PRDM15: variants seen among roughly 807,000 people sequenced by gnomAD.
The protein encoded by PRDM15 is PR domain zinc finger protein 15.
In PRDM15, 64 loss-of-function variants were observed where a neutral mutation model predicts 128.6. That is an observed-to-expected ratio of 0.50 (90% CI 0.41 to 0.61). The LOEUF is 0.61. PRDM15 is among the 20% of genes least tolerant of loss of function. The probability of loss-of-function intolerance (pLI) is 0.00; values close to 1 mark genes in which losing one functional copy is unlikely to be tolerated. For synonymous variants in PRDM15, 615 were observed against 621.8 expected (o/e 0.99, Z 0.16); for missense variants, 1,242 against 1,569.1 (o/e 0.79, Z 3.52).
intron 18 of PRDM15, among the ~76,000 whole-genome samples, chr21:41,817,771 C>A (rs2062102902): frequency 6.6e-6 from 1 of 152,106 alleles, no homozygotes. Context: ...TATGTACTAG[C>A]AACTGTTGCG....
rs959477143 is a variant in PRDM15, at chr21:41,815,766, C to T, written c.2331G>A (p.Lys777=). Residue 777 remains lysine (K), a synonymous_variant, in exon 19 of 24, where the codon AAG becomes AAA. Transcript: ENST00000398548. ...LHKGIKEYEC[K]ECHRRFAQKV... ...TCTGCGCGAACCTGCGGTGGCACTCCTTGCACTCGTACTCCTTGATGCCCT... is the reference window on the plus strand; with the variant it reads ...TCTGCGCGAACCTGCGGTGGCACTCTTTGCACTCGTACTCCTTGATGCCCT... 1 of 1,613,988 alleles carries T rather than the reference C, an allele frequency of 6.2e-7. No homozygotes were observed. Among genetic ancestry groups the T allele is most frequent in the Non-Finnish European group, 8.5e-7 (1 of 1,179,968 alleles).
In PRDM15 at chr21:41,804,642, G is replaced by A. The variant is rs73373472; in HGVS notation, c.2653-28C>T. 7.4e-3 allele frequency: 11,205 copies of A among 1,517,796 alleles called. 688 individuals carry two copies. The African/African-American group carries it at 0.13, about 18-fold the overall frequency. 94.0% of individuals were successfully genotyped at this position (1,517,796 alleles called of 1,614,324 possible). ...ATGAGGAGCACAGGGCATGAGCTGG[G>A]GGTCAGGGTGCTGCTGATGCAGGTG... On this transcript the variant is annotated intron_variant, in intron 21 of 23. Transcript: ENST00000398548.
chr21:41,841,624 G>A (rs1199256571), intron 6 of PRDM15, among the ~76,000 whole-genome samples: 1 of 151,988 alleles, frequency 6.6e-6, no homozygotes, highest in Non-Finnish European at 1.5e-5. Context: ...ATTCAAACAG[G>A]AAAAACAGAG....
intron 14 of PRDM15, 91 bp downstream of exon 14, chr21:41,823,227 C>A (rs570639769): frequency 1.3e-6 from 2 of 1,509,160 alleles, no homozygotes; most frequent in Admixed American, 1.9e-5. Context: ...GCTGCCCTGC[C>A]CACAGAACTC....
At chr21:41,831,205 C>T (rs779462526) in intron 11 of PRDM15, among the ~76,000 whole-genome samples, 4 of 152,270 alleles carry the variant, frequency 2.6e-5, no homozygotes, top group East Asian at 3.8e-4. Context: ...AGCCGCCCTG[C>T]GCCTGTCCCT....
chr21:41,846,682 G>A (rs1444057685), intron 6 of PRDM15, among the ~76,000 whole-genome samples: 1 of 152,218 alleles, frequency 6.6e-6, no homozygotes, highest in Non-Finnish European at 1.5e-5. Flanking sequence ...GGACAACAGA[G>A]CCAGACCTTG....
chr21:41,841,713 G>A (rs1303612435), intron 6 of PRDM15, among the ~76,000 whole-genome samples: 1 of 152,214 alleles, frequency 6.6e-6, no homozygotes, highest in African/African-American at 2.4e-5. Context: ...TACTCTACTT[G>A]TTAGATGCGG....
rs1222817133 is a variant in PRDM15, at chr21:41,859,407, C to T, written c.131+185G>A. On this transcript the variant is annotated intron_variant, in intron 3 of 23. Coordinates refer to ENST00000398548, the MANE Select transcript of PRDM15 (RefSeq NM_001040424.3). This position sits in a 1 kb window ranked among gnomAD's most constrained non-coding sequence, Gnocchi z 5.3. The stretch of plus-strand genomic sequence containing the variant: ...AAACTCACTCTGGAGCTTTGAAGCA[C>T]GTGTTTTGGTGTGTCCCGGCAGCAA... Among the ~76,000 whole-genome samples, 1 of 152,192 alleles carries T rather than the reference C, an allele frequency of 6.6e-6. No homozygotes were observed. The highest frequency in any genetic ancestry group is 1.5e-5 in the Non-Finnish European group (1 of 68,040).
At chr21:41,829,871 C>G (rs2062621976) in intron 11 of PRDM15, among the ~76,000 whole-genome samples, 1 of 151,140 alleles carries the variant, frequency 6.6e-6, no homozygotes, top group Non-Finnish European at 1.5e-5. Context: ...ATACCACATA[C>G]ACACACACTC....
chr21:41,849,358 A>G (rs1601377237), intron 5 of PRDM15, among the ~76,000 whole-genome samples: 1 of 152,216 alleles, frequency 6.6e-6, no homozygotes, highest in Non-Finnish European at 1.5e-5. Context: ...ACCTGAGGCC[A>G]GGAGCTCAAG....
In PRDM15 at chr21:41,839,868, G is replaced by A. The variant is rs370491837; in HGVS notation, c.641-15C>T. On this transcript the variant is annotated splice_polypyrimidine_tract_variant and intron_variant, in intron 6 of 23. Coordinates refer to ENST00000398548, the MANE Select transcript of PRDM15 (RefSeq NM_001040424.3). ...CAACAGATGTTCTGCAAAGAGAGAC[G>A]CGAATGCACCACACAATTAGGAAGC... The A allele has an allele frequency of 2.7e-5, 43 of 1,607,230 alleles. No individual in the cohort carries two copies. The East Asian group carries it at 5.4e-4, about 20-fold the overall frequency.
intron 6 of PRDM15, among the ~76,000 whole-genome samples, chr21:41,841,074 CA>C (rs1224125393): frequency 2.0e-5 from 3 of 151,944 alleles, no homozygotes; most frequent in African/African-American, 7.3e-5. Flanking sequence ...TACAATAGGA[CA>C]CAGAGAAAAT....
intron 21 of PRDM15, among the ~76,000 whole-genome samples, chr21:41,806,063 CCATCACCACCACCAT>C (rs2061575552): frequency 1.2e-5 from 1 of 82,642 alleles, no homozygotes; most frequent in African/African-American, 5.0e-5. Flanking sequence ...ACCACCATCA[CCATCACCACCACCAT>C]CACCACCACC....
At chr21:41,867,352 C>T in intron 1 of PRDM15, 1 of 1,613,670 alleles carries the variant, frequency 6.2e-7, no homozygotes, top group South Asian at 1.1e-5. Flanking sequence ...CCTGGTTCCC[C>T]CAGGAAAAGT....
At position 41,859,513 on chromosome 21, in the gene PRDM15, C is replaced by T. The variant is rs1056815009; in HGVS notation, c.131+79G>A. The T allele has an allele frequency of 3.6e-5, 42 of 1,156,632 alleles. No individual in the cohort carries two copies. Among genetic ancestry groups the T allele is most frequent in the African/African-American group, 6.2e-5 (4 of 64,366 alleles). The allele number at this position is 1,156,632 out of a possible 1,614,324, so 71.6% of individuals were successfully genotyped here. ...GTTCTCCCTCAGGCTCCTTCCTCCCCGTCTGCAGACCCAAAGGCCACTAGG... is the reference window on the plus strand; with the variant it reads ...GTTCTCCCTCAGGCTCCTTCCTCCCTGTCTGCAGACCCAAAGGCCACTAGG... On this transcript the variant is annotated intron_variant, in intron 3 of 23. Transcript: ENST00000398548. The surrounding 1 kb of genome is among the most constrained non-coding windows in gnomAD (Gnocchi z 5.3).
Position 41,859,345 on chromosome 21 carries a change from G to T in PRDM15, c.131+247C>A. 1 of 976,928 alleles carries T rather than the reference G, an allele frequency of 1.0e-6. No homozygotes were observed. Among genetic ancestry groups the T allele is most frequent in the South Asian group, 1.6e-5 (1 of 63,512 alleles). The allele number at this position is 976,928 out of a possible 1,614,324, so 60.5% of individuals were successfully genotyped here. On this transcript the variant is annotated intron_variant, in intron 3 of 23. Coordinates refer to ENST00000398548, the MANE Select transcript of PRDM15 (RefSeq NM_001040424.3). This position sits in a 1 kb window ranked among gnomAD's most constrained non-coding sequence, Gnocchi z 5.3. ...GCCTCCACACACTGTGTCGGGAACA[G>T]CTGGGCTCCAGCTAAGAACCCTGGA...
intron 22 of PRDM15, 197 bp from the exon 23 acceptor site, chr21:41,803,118 A>AT: frequency 1.7e-6 from 1 of 593,906 alleles, no homozygotes; most frequent in East Asian, 2.8e-5. Flanking sequence ...TTAGTTGCAG[A>AT]TTTAAAAAAA....
Position 41,843,967 on chromosome 21 carries a change from A to G in PRDM15, c.640+3123T>C, listed in dbSNP as rs558972786. On this transcript the variant is annotated intron_variant, in intron 6 of 23. Transcript: ENST00000398548. The stretch of plus-strand genomic sequence containing the variant: ...TTGTATTGTAAAAAAAAAAAAAAAA[A>G]AAAAGAAAGAAAGAAAGTTTAAATT... Among the ~76,000 whole-genome samples, 39 of 150,676 alleles carry G rather than the reference A, an allele frequency of 2.6e-4. 1 individual carries two copies. The South Asian group carries it at 6.4e-3, about 25-fold the overall frequency.
Position 41,821,455 on chromosome 21 carries a change from C to T in PRDM15, c.1897-225G>A, listed in dbSNP as rs2062260842. 6.6e-6 allele frequency among the ~76,000 whole-genome samples: 1 copy of T among 152,168 alleles called. No homozygotes were observed. The highest frequency in any genetic ancestry group is 1.5e-5 in the Non-Finnish European group (1 of 68,032). ...ACGGGTGTCCTCGGAAACAAACCACCCTCCTTTTTGGAGAGCCCCTTCCAT... is the reference window on the plus strand; with the variant it reads ...ACGGGTGTCCTCGGAAACAAACCACTCTCCTTTTTGGAGAGCCCCTTCCAT... On this transcript the variant is annotated intron_variant, in intron 15 of 23. Coordinates refer to ENST00000398548, the MANE Select transcript of PRDM15 (RefSeq NM_001040424.3). The surrounding 1 kb of genome is among the most constrained non-coding windows in gnomAD (Gnocchi z 5.4).
Sources: allele counts gnomAD v4.1 joint callset (sites outside exome capture counted in the v4.1 genomes callset), GRCh38; gene constraint gnomAD v4.1.1; non-coding constraint Gnocchi (gnomAD v3.1); transcripts MANE v1.5; gene names NCBI Gene and HGNC (gene_info 2026-07-23, HGNC 2026-07-21).